Variants in MGST1 observed in about 807,000 individuals in gnomAD.
MGST1 encodes the protein microsomal glutathione S-transferase 1.
A neutral mutation model predicts 8.9 loss-of-function variants in MGST1; 5 were observed. The observed-to-expected ratio is 0.56, with a 90% confidence interval of 0.29 to 1.19. The LOEUF (loss-of-function observed/expected upper bound fraction) is 1.19. MGST1 is among the 50% of genes most tolerant of loss of function. The pLI, the probability that MGST1 is intolerant of heterozygous loss-of-function variation, is 0.08. For missense variants in MGST1, 182 were observed against 187.4 expected (o/e 0.97, Z 0.17); for synonymous variants, 54 against 67.8 (o/e 0.80, Z 1.00).
At position 16,513,043 on chromosome 12, in the gene MGST1, A is replaced by G. The variant is rs1004466635; in HGVS notation, n.483-76485A>G. Among the ~76,000 whole-genome samples, 7 of 152,204 alleles carry G rather than the reference A, an allele frequency of 4.6e-5. No individual in the cohort carries two copies. The highest frequency in any genetic ancestry group is 1.7e-4 in the African/African-American group (7 of 41,460). On this transcript the variant is annotated intron_variant and non_coding_transcript_variant, in intron 4 of 4. Transcript: ENST00000538857. The surrounding 1 kb of genome is among the most constrained non-coding windows in gnomAD (Gnocchi z 4.2). ...ACTAATCTACTTTTCCTCCCAGTGT[A>G]CAAATAAAGATTAAAATTCTGCATA...
intron 1 of MGST1, among the ~76,000 whole-genome samples, chr12:16,432,396 G>A (rs1357631209): frequency 6.6e-6 from 1 of 152,080 alleles, no homozygotes; most frequent in East Asian, 1.9e-4. Flanking sequence ...AGGATTTGGA[G>A]TGGGGAGAAT....
chr12:16,472,377 T>G (rs1473976746), intron 4 of MGST1, among the ~76,000 whole-genome samples: 1 of 152,022 alleles, frequency 6.6e-6, no homozygotes, highest in African/African-American at 2.4e-5. Context: ...TCAAGAGTTT[T>G]AAATTGGGTA....
intron 1 of MGST1, among the ~76,000 whole-genome samples, chr12:16,404,729 CTA>C (rs1196136827): frequency 1.3e-5 from 2 of 152,050 alleles, no homozygotes; most frequent in Non-Finnish European, 2.9e-5. Context: ...TTTTTAAACT[CTA>C]GAGATATTAT....
intron 1 of MGST1, among the ~76,000 whole-genome samples, chr12:16,396,163 G>A (rs138946816): frequency 0.019 from 2,925 of 151,864 alleles, 44 homozygotes; most frequent in Middle Eastern, 0.044. Context: ...GTGGTATTGC[G>A]TTGTGGTTTT....
chr12:16,560,566 TACAAACTC>T lies in MGST1; in HGVS notation n.483-28961_483-28954del. 1 of 1,578,148 alleles carries T rather than the reference TACAAACTC, an allele frequency of 6.3e-7. No individual in the cohort carries two copies. Among genetic ancestry groups the T allele is most frequent in the South Asian group, 1.1e-5 (1 of 88,010 alleles). On this transcript the variant is annotated intron_variant and non_coding_transcript_variant, in intron 4 of 4. Transcript: ENST00000538857. This position sits in a 1 kb window ranked among gnomAD's most constrained non-coding sequence, Gnocchi z 5.0. ...AGAATAAGAAACATTTTTTTTTTTT[TACAAACTC>T]TTACAGAGAAATCTGAGATCGTGAA...
chr12:16,556,712 T>A (rs1182305961), intron 4 of MGST1, among the ~76,000 whole-genome samples: 1 of 152,188 alleles, frequency 6.6e-6, no homozygotes, highest in Non-Finnish European at 1.5e-5. Flanking sequence ...TGAAGCAAAC[T>A]TCAGAGTAAA....
intron 1 of MGST1, among the ~76,000 whole-genome samples, chr12:16,398,592 A>T (rs1477879693): frequency 1.3e-5 from 2 of 152,234 alleles, no homozygotes; most frequent in Admixed American, 1.3e-4. Context: ...TTTGCCTTCT[A>T]TCATTGTACC....
At chr12:16,419,292 C>T (rs1021337476) in intron 1 of MGST1, among the ~76,000 whole-genome samples, 1 of 152,132 alleles carries the variant, frequency 6.6e-6, no homozygotes, top group South Asian at 2.1e-4. Context: ...CTCCTGTGGG[C>T]ATTATCTTCA....
chr12:16,349,399 A>G (rs1030456014), intron 1 of MGST1, among the ~76,000 whole-genome samples: 16 of 152,074 alleles, frequency 1.1e-4, no homozygotes, highest in Non-Finnish European at 1.6e-4. Context: ...AACAGGAATG[A>G]GATTTGACAA....
chr12:16,529,909 C>A (rs1425972664), intron 4 of MGST1, among the ~76,000 whole-genome samples: 1 of 152,040 alleles, frequency 6.6e-6, no homozygotes, highest in African/African-American at 2.4e-5. Context: ...TTTGGCATAG[C>A]TCCAATTAAC....
chr12:16,485,064 G>T (rs1941390425), intron 4 of MGST1, among the ~76,000 whole-genome samples: 1 of 152,112 alleles, frequency 6.6e-6, no homozygotes, highest in Non-Finnish European at 1.5e-5. Context: ...TCCCATAGTT[G>T]TTTTCAAACA....
chr12:16,495,878 C>G (rs1941467199), intron 4 of MGST1, among the ~76,000 whole-genome samples: 1 of 152,102 alleles, frequency 6.6e-6, no homozygotes, highest in African/African-American at 2.4e-5. Flanking sequence ...ATTTCACCAT[C>G]TACTTCAAGG....
chr12:16,395,412 T>A (rs1274783653), intron 1 of MGST1, among the ~76,000 whole-genome samples: 2 of 152,086 alleles, frequency 1.3e-5, no homozygotes, highest in Admixed American at 1.3e-4. Context: ...ATATGATAAG[T>A]CTTCTTTTAA....
intron 1 of MGST1, among the ~76,000 whole-genome samples, chr12:16,420,305 A>T (rs1940823972): frequency 6.6e-6 from 1 of 152,220 alleles, no homozygotes; most frequent in South Asian, 2.1e-4. Flanking sequence ...GAAGCCAATT[A>T]CATATTGATT....
chr12:16,556,410 G>A (rs1942191148), intron 4 of MGST1, among the ~76,000 whole-genome samples: 1 of 151,946 alleles, frequency 6.6e-6, no homozygotes, highest in African/African-American at 2.4e-5. Flanking sequence ...AAGGGGCAGA[G>A]GAGATCTATA....
intron 4 of MGST1, among the ~76,000 whole-genome samples, chr12:16,570,206 G>A (rs1352013641): frequency 6.6e-6 from 1 of 152,062 alleles, no homozygotes; most frequent in African/African-American, 2.4e-5. Flanking sequence ...AAATTGAATA[G>A]GGTTTTCTAG....
chr12:16,495,493 G>C (rs2137161116), intron 4 of MGST1, among the ~76,000 whole-genome samples: 1 of 152,120 alleles, frequency 6.6e-6, no homozygotes, highest in East Asian at 1.9e-4. Context: ...AAAATTCAAA[G>C]AAATAATTAC....
At chr12:16,372,480 A>G (rs1940310697) in intron 3 of MGST1, among the ~76,000 whole-genome samples, 2 of 152,150 alleles carry the variant, frequency 1.3e-5, no homozygotes. Context: ...ACAATGTGGT[A>G]TCATCTCACT....
At chr12:16,451,223 A>G (rs1275195456) in intron 4 of MGST1, among the ~76,000 whole-genome samples, 1 of 151,900 alleles carries the variant, frequency 6.6e-6, no homozygotes, top group African/African-American at 2.4e-5. Flanking sequence ...GCAATCAAAC[A>G]ATTTATTTTC....
Sources: allele counts gnomAD v4.1 joint callset (sites outside exome capture counted in the v4.1 genomes callset), GRCh38; gene constraint gnomAD v4.1.1; non-coding constraint Gnocchi (gnomAD v3.1); transcripts MANE v1.5; gene names NCBI Gene and HGNC (gene_info 2026-07-23, HGNC 2026-07-21).